Variants in MAP2K5 observed in about 807,000 individuals in gnomAD.
MAP2K5 encodes mitogen-activated protein kinase kinase 5, also known as dual specificity mitogen-activated protein kinase kinase 5.
MAP2K5 carries 49 observed loss-of-function variants against 83.1 expected under a neutral mutation model. That is an observed-to-expected ratio of 0.59 (90% confidence interval 0.47 to 0.75). The LOEUF is 0.75. Ranked by LOEUF, MAP2K5 falls within the 30% of genes least tolerant of loss-of-function variation. The pLI is 0.00. For missense variants in MAP2K5, 457 were observed against 557.5 expected (o/e 0.82, Z 1.82); for synonymous variants, 202 against 191.8 (o/e 1.05, Z -0.44).
In MAP2K5 at chr15:67,559,946, T is replaced by G. The variant is rs1745211432; in HGVS notation, c.185-3337T>G. Among the ~76,000 whole-genome samples, 3 of 152,374 alleles carry G rather than the reference T, an allele frequency of 2.0e-5. No individual in the cohort carries two copies. In the South Asian group the frequency reaches 6.2e-4, roughly 32 times the overall value. On this transcript the variant is annotated intron_variant, in intron 2 of 21. Coordinates refer to ENST00000178640, the MANE Select transcript of MAP2K5 (RefSeq NM_145160.3). This position sits in a 1 kb window ranked among gnomAD's most constrained non-coding sequence, Gnocchi z 4.7. ...CTAGTGTTGTTCTCTAACATATTTG[T>G]ACCTCTGAAACTTTGTGGCAGTTTA...
In MAP2K5 at chr15:67,794,324, A is replaced by G. The variant is rs529416581; in HGVS notation, c.1243-12322A>G. On this transcript the variant is annotated intron_variant, in intron 21 of 21. Coordinates refer to ENST00000178640, the MANE Select transcript of MAP2K5 (RefSeq NM_145160.3). The surrounding 1 kb of genome is among the most constrained non-coding windows in gnomAD (Gnocchi z 4.6). ...TTAGAAAATATTGCTCAAGGCTAAG[A>G]GTGAGTTCTATTGATGATTTTTATT... 1.6e-3 allele frequency among the ~76,000 whole-genome samples: 249 copies of G among 152,370 alleles called. No individual in the cohort carries two copies. Among genetic ancestry groups the G allele is most frequent in the South Asian group, 2.3e-3 (11 of 4,826 alleles).
intron 11 of MAP2K5, among the ~76,000 whole-genome samples, chr15:67,646,717 T>C (rs1056460857): frequency 3.3e-5 from 5 of 152,208 alleles, no homozygotes; most frequent in African/African-American, 1.2e-4. Flanking sequence ...TAAATGCTAG[T>C]CTAATTGGTG....
At chr15:67,773,831 GA>G (rs1475062698) in intron 21 of MAP2K5, among the ~76,000 whole-genome samples, 1 of 152,144 alleles carries the variant, frequency 6.6e-6, no homozygotes, top group African/African-American at 2.4e-5. Flanking sequence ...TGATGGTTGG[GA>G]AATTCTTGCA....
Position 67,740,542 on chromosome 15 carries a change from A to G in MAP2K5, c.1075-7689A>G, listed in dbSNP as rs114188928. On this transcript the variant is annotated intron_variant, in intron 17 of 21. Coordinates refer to ENST00000178640, the MANE Select transcript of MAP2K5 (RefSeq NM_145160.3). ...AGGGAGGTCAAGGCTGCAGTGAGCT[A>G]TGATTGCACCACTGCACCCCATCTT... Among the ~76,000 whole-genome samples the G allele has an allele frequency of 8.7e-3, 1,319 of 152,124 alleles. 24 individuals are homozygous for G. The highest frequency in any genetic ancestry group is 0.031 in the African/African-American group (1,266 of 41,486).
intron 3 of MAP2K5, among the ~76,000 whole-genome samples, chr15:67,569,001 A>G (rs1369108747): frequency 1.0e-5 from 1 of 95,880 alleles, no homozygotes; most frequent in African/African-American, 3.8e-5. Context: ...GCAAGACTCC[A>G]TCTCAAAAAA....
intron 15 of MAP2K5, among the ~76,000 whole-genome samples, chr15:67,695,464 G>T (rs571591952): frequency 6.6e-6 from 1 of 152,256 alleles, no homozygotes; most frequent in Admixed American, 6.5e-5. Flanking sequence ...AACCTCTGAA[G>T]TCTTCATATC....
In MAP2K5 at chr15:67,780,756, G is replaced by T. The variant is rs2090315733; in HGVS notation, c.1242+8004G>T. Among the ~76,000 whole-genome samples, 1 of 152,176 alleles carries T rather than the reference G, an allele frequency of 6.6e-6. No homozygotes were observed. The highest frequency in any genetic ancestry group is 2.1e-4 in the South Asian group (1 of 4,834). On this transcript the variant is annotated intron_variant, in intron 21 of 21. Transcript: ENST00000178640. This position sits in a 1 kb window ranked among gnomAD's most constrained non-coding sequence, Gnocchi z 5.0. Reference sequence around the variant, plus strand: ...TCTAGGATGTTCCAATATTTGCAGGGATAATATTCAAAACATTTAACAACC... The same window carrying T: ...TCTAGGATGTTCCAATATTTGCAGGTATAATATTCAAAACATTTAACAACC...
At chr15:67,697,719 C>A (rs192773515) in intron 15 of MAP2K5, among the ~76,000 whole-genome samples, 2 of 152,238 alleles carry the variant, frequency 1.3e-5, no homozygotes, top group East Asian at 3.9e-4. Context: ...GTATAGACAG[C>A]CCAAAATTAC....
intron 16 of MAP2K5, among the ~76,000 whole-genome samples, chr15:67,721,112 G>A (rs915327441): frequency 3.3e-5 from 5 of 151,984 alleles, no homozygotes; most frequent in South Asian, 2.1e-4. Context: ...TTTTAAAAAC[G>A]TACTCTGTTA....
rs766140043 is a variant in MAP2K5 at position 67,747,105 on chromosome 15, G to A, written c.1075-1126G>A. On this transcript the variant is annotated intron_variant, in intron 17 of 21. Coordinates refer to ENST00000178640, the MANE Select transcript of MAP2K5 (RefSeq NM_145160.3). The surrounding 1 kb of genome is among the most constrained non-coding windows in gnomAD (Gnocchi z 4.1). ...AGGAGCCCCAGCACCACCACACCCT[G>A]GCGCTGAGGCCTCAGGCCCGGACAC... 6.6e-6 allele frequency among the ~76,000 whole-genome samples: 1 copy of A among 152,234 alleles called. No homozygotes were observed. The highest frequency in any genetic ancestry group is 1.5e-5 in the Non-Finnish European group (1 of 68,042).
At position 67,793,948 on chromosome 15, in the gene MAP2K5, C is replaced by A. The variant is rs1019556201; in HGVS notation, c.1243-12698C>A. ...GGCACATAGAAACCGCTCCACACAT[C>A]CATAGTGAATCTTATTGAATTAAAG... On this transcript the variant is annotated intron_variant, in intron 21 of 21. Coordinates refer to ENST00000178640, the MANE Select transcript of MAP2K5 (RefSeq NM_145160.3). This position sits in a 1 kb window ranked among gnomAD's most constrained non-coding sequence, Gnocchi z 4.6. 1.3e-5 allele frequency among the ~76,000 whole-genome samples: 2 copies of A among 152,198 alleles called. No homozygotes were observed. The highest frequency in any genetic ancestry group is 4.8e-5 in the African/African-American group (2 of 41,436).
intron 8 of MAP2K5, among the ~76,000 whole-genome samples, chr15:67,624,514 G>A (rs1414753447): frequency 1.3e-5 from 2 of 151,830 alleles, no homozygotes; most frequent in Non-Finnish European, 2.9e-5. Flanking sequence ...AAATAGGTCA[G>A]TACCTTTGTA....
chr15:67,701,333 T>C (rs1352001715), intron 15 of MAP2K5, among the ~76,000 whole-genome samples: 1 of 152,218 alleles, frequency 6.6e-6, no homozygotes, highest in Non-Finnish European at 1.5e-5. Context: ...ATTACATTCC[T>C]TCAGTCAGCA....
At chr15:67,596,810 C>T (rs2085535655) in intron 7 of MAP2K5, among the ~76,000 whole-genome samples, 1 of 152,202 alleles carries the variant, frequency 6.6e-6, no homozygotes, top group Admixed American at 6.5e-5. Flanking sequence ...CCTCCTCCTT[C>T]ACATCTATTA....
rs966243166 is a variant in MAP2K5 at position 67,543,988 on chromosome 15, G to T, written c.135+518G>T. On this transcript the variant is annotated intron_variant, in intron 1 of 21. Transcript: ENST00000178640. The surrounding 1 kb of genome is among the most constrained non-coding windows in gnomAD (Gnocchi z 4.3). ...TGCTGTGGCACGATCTCGGCTCACT[G>T]CAGCCTCTGCCTCCTGGGCTCAAGC... Among the ~76,000 whole-genome samples the T allele has an allele frequency of 6.6e-6, 1 of 152,234 alleles. No homozygotes were observed. The highest frequency in any genetic ancestry group is 2.4e-5 in the African/African-American group (1 of 41,462).
At chr15:67,662,388 A>C (rs1044639173) in intron 12 of MAP2K5, among the ~76,000 whole-genome samples, 2 of 152,110 alleles carry the variant, frequency 1.3e-5, no homozygotes. Flanking sequence ...TTTACTTCTC[A>C]TGGGTAATGA....
chr15:67,705,367 G>A (rs1418381245), intron 16 of MAP2K5, among the ~76,000 whole-genome samples: 1 of 152,144 alleles, frequency 6.6e-6, no homozygotes, highest in Non-Finnish European at 1.5e-5. Flanking sequence ...TGGGGCATGA[G>A]GGGAAGGACA....
chr15:67,634,170 G>GA (rs1474103762), intron 9 of MAP2K5, among the ~76,000 whole-genome samples: 1 of 151,400 alleles, frequency 6.6e-6, no homozygotes, highest in Non-Finnish European at 1.5e-5. Context: ...ACCAGCCTGG[G>GA]AAACGTGGCA....
rs534867249 is a variant in MAP2K5 at position 67,779,244 on chromosome 15, A to G, written c.1242+6492A>G. ...TTAAGTTCTGAAGGCCATTAAAATC[A>G]TCTGTTTGTGTCTGCTTATAAAGAG... On this transcript the variant is annotated intron_variant, in intron 21 of 21. Transcript: ENST00000178640. The surrounding 1 kb of genome is among the most constrained non-coding windows in gnomAD (Gnocchi z 4.6). Among the ~76,000 whole-genome samples the G allele has an allele frequency of 8.1e-4, 123 of 152,308 alleles. No homozygotes were observed. Among genetic ancestry groups the G allele is most frequent in the African/African-American group, 2.9e-3 (121 of 41,556 alleles).
Sources: allele counts gnomAD v4.1 joint callset (sites outside exome capture counted in the v4.1 genomes callset), GRCh38; gene constraint gnomAD v4.1.1; non-coding constraint Gnocchi (gnomAD v3.1); transcripts MANE v1.5; gene names NCBI Gene and HGNC (gene_info 2026-07-23, HGNC 2026-07-21).